The following MDGA2 variants were observed in gnomAD, a reference collection of about 807,000 sequenced individuals.
MDGA2 encodes the protein MAM domain-containing glycosylphosphatidylinositol anchor protein 2.
In MDGA2, 40 loss-of-function variants were observed where a neutral mutation model predicts 117.8. The observed-to-expected ratio is 0.34, with a 90% CI of 0.26 to 0.44. The LOEUF is 0.44. Among genes scored for constraint, MDGA2 ranks in the 20% least tolerant of loss-of-function variants. The pLI, the probability that MDGA2 is intolerant of heterozygous loss-of-function variation, is 1.00. For missense variants in MDGA2, 1,123 were observed against 1,250.6 expected, an observed-to-expected ratio of 0.90 and a Z score of 1.54; for synonymous variants, 452 against 439.0, an observed-to-expected ratio of 1.03 and a Z score of -0.37.
intron 1 of MDGA2, among the ~76,000 whole-genome samples, chr14:47,344,398 T>C (rs1890717425): frequency 6.6e-6 from 1 of 152,140 alleles, no homozygotes; most frequent in Non-Finnish European, 1.5e-5. Context: ...GAGCCAATTA[T>C]TAAAATAGTT....
rs183559530 is a variant in MDGA2 at position 46,944,434 on chromosome 14, C to T, written c.2089+12940G>A. Reference sequence around the variant, plus strand: ...CCACAATTGGACTATGGTATTCTTACGTGTGGTTTTCTTGTATTTTTCTTG... The same window carrying T: ...CCACAATTGGACTATGGTATTCTTATGTGTGGTTTTCTTGTATTTTTCTTG... On this transcript the variant is annotated intron_variant, in intron 9 of 16. Transcript: ENST00000399232. Among the ~76,000 whole-genome samples, 575 of 151,604 alleles carry T rather than the reference C, an allele frequency of 3.8e-3. 3 individuals are homozygous for T. The highest frequency in any genetic ancestry group is 8.0e-3 in the African/African-American group (330 of 41,352).
intron 1 of MDGA2, among the ~76,000 whole-genome samples, chr14:47,311,341 C>A (rs1472766774): frequency 6.6e-6 from 1 of 152,122 alleles, no homozygotes; most frequent in Admixed American, 6.6e-5. Context: ...AATATGACAA[C>A]AATGAAAACT....
chr14:47,002,040 A>T lies in MDGA2; in HGVS notation c.1819+32971T>A, dbSNP rs556811144. On this transcript the variant is annotated intron_variant, in intron 8 of 16. Transcript: ENST00000399232. ...ATCTCCAGGTTGTGGAGTGGGGGCA[A>T]CTGAATTGAAGATGCTGGGAATGGA... Among the ~76,000 whole-genome samples, 8 of 152,260 alleles carry T rather than the reference A, an allele frequency of 5.3e-5. No individual in the cohort carries two copies. The East Asian group carries it at 1.3e-3, about 26-fold the overall frequency.
intron 1 of MDGA2, among the ~76,000 whole-genome samples, chr14:47,629,511 C>A (rs916680556): frequency 6.6e-6 from 1 of 152,122 alleles, no homozygotes; most frequent in African/African-American, 2.4e-5. Flanking sequence ...TCTCTGAAAA[C>A]GGGAGATCTT....
chr14:47,460,412 C>T (rs1425481018), intron 1 of MDGA2, among the ~76,000 whole-genome samples: 3 of 151,966 alleles, frequency 2.0e-5, no homozygotes, highest in Admixed American at 2.0e-4. Context: ...AACATAAGCA[C>T]TGTATTACAA....
intron 1 of MDGA2, among the ~76,000 whole-genome samples, chr14:47,317,472 T>G (rs1889842584): frequency 6.6e-6 from 1 of 152,152 alleles, no homozygotes; most frequent in Non-Finnish European, 1.5e-5. Flanking sequence ...CTTCTTGAGA[T>G]GGAGACTGCT....
chr14:47,094,248 T>C (rs1310337646), intron 6 of MDGA2, among the ~76,000 whole-genome samples: 1 of 152,068 alleles, frequency 6.6e-6, no homozygotes, highest in Admixed American at 6.6e-5. Flanking sequence ...ATAATATGAT[T>C]ATGCAAATGT....
chr14:47,587,665 T>C (rs1204912792), intron 1 of MDGA2, among the ~76,000 whole-genome samples: 1 of 151,966 alleles, frequency 6.6e-6, no homozygotes, highest in African/African-American at 2.4e-5. Context: ...GTTCAAAGTA[T>C]TCATTGCCCT....
At chr14:47,301,859 G>A (rs972149190) in intron 1 of MDGA2, among the ~76,000 whole-genome samples, 3 of 152,128 alleles carry the variant, frequency 2.0e-5, no homozygotes, top group Admixed American at 1.3e-4. Context: ...CTTCCTTTCT[G>A]AGTTCAAATT....
chr14:47,538,656 TAA>T (rs1160899376), intron 1 of MDGA2, among the ~76,000 whole-genome samples: 1 of 152,190 alleles, frequency 6.6e-6, no homozygotes, highest in Non-Finnish European at 1.5e-5. Context: ...ACTTCCATCA[TAA>T]GTCTTACCAC....
chr14:47,358,293 T>G (rs1007406979), intron 1 of MDGA2, among the ~76,000 whole-genome samples: 2 of 152,200 alleles, frequency 1.3e-5, no homozygotes, highest in African/African-American at 4.8e-5. Context: ...GTTTTCATCT[T>G]TCTTTGGAGA....
chr14:47,115,085 T>C (rs1881254917), intron 5 of MDGA2, among the ~76,000 whole-genome samples: 1 of 152,020 alleles, frequency 6.6e-6, no homozygotes, highest in Non-Finnish European at 1.5e-5. Flanking sequence ...AACATTCTGC[T>C]GAATACACTC....
At chr14:47,327,783 T>C (rs1254150018) in intron 1 of MDGA2, among the ~76,000 whole-genome samples, 1 of 152,146 alleles carries the variant, frequency 6.6e-6, no homozygotes, top group Non-Finnish European at 1.5e-5. Context: ...TCACATAAAG[T>C]TACTCATTTA....
intron 4 of MDGA2, among the ~76,000 whole-genome samples, chr14:47,143,814 T>C (rs547938913): frequency 6.6e-6 from 1 of 152,236 alleles, no homozygotes; most frequent in South Asian, 2.1e-4. Flanking sequence ...TAGTGAAACA[T>C]AGGAAAACTT....
chr14:47,482,897 A>G (rs1185526399), intron 1 of MDGA2, among the ~76,000 whole-genome samples: 1 of 141,052 alleles, frequency 7.1e-6, no homozygotes, highest in Non-Finnish European at 1.6e-5. Flanking sequence ...CGGATGGTGG[A>G]GTAATGAAAA....
intron 5 of MDGA2, among the ~76,000 whole-genome samples, chr14:47,109,789 T>C (rs2139049396): frequency 6.6e-6 from 1 of 152,018 alleles, no homozygotes; most frequent in East Asian, 1.9e-4. Context: ...CTACCAAAAA[T>C]ACAAAAATTA....
In MDGA2 at chr14:47,018,733, G is replaced by GAAAAAAAAAAAAAAAA. The variant is rs60442845; in HGVS notation, c.1819+16262_1819+16277dup. On this transcript the variant is annotated intron_variant, in intron 8 of 16. Transcript: ENST00000399232. ...ACTGTAAGGCTCAAGCCATTTTACT[G>GAAAAAAAAAAAAAAAA]AAAAAAAAAAAAAAAAAAAAAAAAA... Among the ~76,000 whole-genome samples the GAAAAAAAAAAAAAAAA allele has an allele frequency of 1.3e-4, 5 of 38,660 alleles. 2 individuals are homozygous for GAAAAAAAAAAAAAAAA. Among genetic ancestry groups the GAAAAAAAAAAAAAAAA allele is most frequent in the African/African-American group, 4.5e-4 (4 of 8,798 alleles). The allele number at this position is 38,660 out of a possible 152,430, so 25.4% of individuals were successfully genotyped here.
At chr14:47,298,014 G>A (rs963761094) in intron 2 of MDGA2, among the ~76,000 whole-genome samples, 1 of 152,010 alleles carries the variant, frequency 6.6e-6, no homozygotes, top group African/African-American at 2.4e-5. Context: ...ATATGAATAT[G>A]TGTATATATA....
intron 3 of MDGA2, among the ~76,000 whole-genome samples, chr14:47,184,671 A>C (rs918439112): frequency 1.3e-5 from 2 of 151,826 alleles, no homozygotes; most frequent in Non-Finnish European, 3.0e-5. Context: ...CTTAAGGTGA[A>C]ATAATTGTTT....
Sources: gnomAD v4.1 joint callset for allele counts (sites outside exome capture counted in the v4.1 genomes callset) on GRCh38, gnomAD v4.1.1 for gene constraint, MANE v1.5 for transcripts, NCBI Gene and HGNC (gene_info 2026-07-23, HGNC 2026-07-21) for gene names.